PELI3: variants seen among roughly 807,000 people sequenced by gnomAD.
PELI3 encodes the protein pellino E3 ubiquitin protein ligase family member 3.
In PELI3, 19 loss-of-function variants were observed where a neutral mutation model predicts 35.5. The ratio of observed to expected loss-of-function variants is 0.54; its 90% CI spans 0.37 to 0.79. The LOEUF is 0.79. Ranked by LOEUF, PELI3 falls within the 30% of genes least tolerant of loss-of-function variation. The pLI is 0.00. For missense variants in PELI3, 490 were observed against 661.2 expected, an observed-to-expected ratio of 0.74 and a Z score of 2.84; for synonymous variants, 262 against 279.2, an observed-to-expected ratio of 0.94 and a Z score of 0.62.
rs747716182 is a variant in PELI3, at chr11:66,467,949, G to C, written c.-1-179G>C. Among the ~76,000 whole-genome samples the C allele has an allele frequency of 2.6e-5, 4 of 152,214 alleles. No individual in the cohort carries two copies. Among genetic ancestry groups the C allele is most frequent in the Admixed American group, 2.6e-4 (4 of 15,284 alleles). ...CTCTTCACTGTGCCACCCCTCCCTG[G>C]TATCCCAGCAACCTCGGGCAGTTTA... On this transcript the variant is annotated intron_variant, in intron 1 of 7. Coordinates refer to ENST00000320740, the MANE Select transcript of PELI3 (RefSeq NM_145065.3). The surrounding 1 kb of genome is among the most constrained non-coding windows in gnomAD (Gnocchi z 4.2).
intron 7 of PELI3, 61 bp from the exon 8 acceptor site, chr11:66,475,537 A>G: frequency 6.4e-7 from 1 of 1,567,188 alleles, no homozygotes; most frequent in South Asian, 1.1e-5. Flanking sequence ...GCTCTGTGGG[A>G]TGGACCCGCG....
At chr11:66,468,414 C>A in intron 2 of PELI3, 134 bp downstream of exon 2, 2 of 840,540 alleles carry the variant, frequency 2.4e-6, no homozygotes, top group Non-Finnish European at 3.3e-6. Flanking sequence ...AGCTGAAAGA[C>A]AAAATTGACC....
intron 2 of PELI3, among the ~76,000 whole-genome samples, 155 bp from the exon 3 acceptor site, chr11:66,468,678 A>G (rs1461566796): frequency 1.3e-5 from 2 of 152,232 alleles, no homozygotes; most frequent in African/African-American, 4.8e-5. Context: ...AATGGGGATG[A>G]TAATAATCCC....
At position 66,473,602 on chromosome 11, in the gene PELI3, C is replaced by T; in HGVS notation, c.652-135C>T. On this transcript the variant is annotated intron_variant, in intron 6 of 7. Transcript: ENST00000320740. The surrounding 1 kb of genome is among the most constrained non-coding windows in gnomAD (Gnocchi z 5.8). ...GAGCAAAGTGAGGCCCAGAGAGACG[C>T]TCAAGTCATGCAGCTTCAATGCCAG... The T allele has an allele frequency of 1.5e-6, 2 of 1,350,128 alleles. No homozygotes were observed. The highest frequency in any genetic ancestry group is 2.6e-5 in the Admixed American group (1 of 39,154). The allele number at this position is 1,350,128 out of a possible 1,614,324, so 83.6% of individuals were successfully genotyped here.
chr11:66,473,393 C>T lies in PELI3; in HGVS notation c.609C>T (p.Ile203=), dbSNP rs780244173. The change falls in exon 6 of 8, where the codon ATC becomes ATT. Residue 203 remains isoleucine (I), a synonymous_variant. Transcript: ENST00000320740. This position sits in a 1 kb window ranked among gnomAD's most constrained non-coding sequence, Gnocchi z 5.8. ...CDRRPPYTAR[I]YAAGFDASSN... is the part of the protein sequence containing the mutation. Reference sequence around the variant, plus strand: ...GCCGGCCACCCTATACTGCCCGCATCTATGCCGCTGGCTTCGATGCCTCTA... The same window carrying T: ...GCCGGCCACCCTATACTGCCCGCATTTATGCCGCTGGCTTCGATGCCTCTA... 1 of 1,613,592 alleles carries T rather than the reference C, an allele frequency of 6.2e-7. No homozygotes were observed. Among genetic ancestry groups the T allele is most frequent in the South Asian group, 1.1e-5 (1 of 91,078 alleles).
At chr11:66,471,192 TTC>T in intron 3 of PELI3, 48 bp from the exon 4 acceptor site, 2 of 1,555,920 alleles carry the variant, frequency 1.3e-6, no homozygotes, top group Non-Finnish European at 1.8e-6. Flanking sequence ...CTTTCTCTCT[TTC>T]TCTCTCTCCT....
chr11:66,472,596 G>A (rs1854762770), intron 5 of PELI3, 126 bp downstream of exon 5: 2 of 727,872 alleles, frequency 2.7e-6, no homozygotes, highest in South Asian at 1.7e-5. Context: ...GAAGCAGGAT[G>A]TCCCGGTGTG....
At chr11:66,469,514 CA>C (rs1483006941) in intron 3 of PELI3, among the ~76,000 whole-genome samples, 10 of 152,228 alleles carry the variant, frequency 6.6e-5, no homozygotes, top group Non-Finnish European at 1.3e-4. Context: ...GAGAAGAGCT[CA>C]CAAGGGCAAA....
Position 66,475,883 on chromosome 11 carries a change from G to T in PELI3, c.1126G>T (p.Glu376Ter). Residue 376 changes from glutamate (E) to a stop codon, truncating the protein, a stop_gained, in exon 8 of 8, where the codon GAG becomes TAG. Coordinates refer to ENST00000320740, the MANE Select transcript of PELI3 (RefSeq NM_145065.3). LOFTEE classifies it high-confidence loss of function. The part of the protein sequence containing the change: ...HGYHGWGCRR[E>*]RGPQERECPL... The stretch of plus-strand genomic sequence containing the variant: ...CTACCACGGCTGGGGCTGCCGGCGG[G>T]AGCGGGGCCCCCAGGAGCGCGAATG... The T allele has an allele frequency of 6.2e-7, 1 of 1,607,048 alleles. No individual in the cohort carries two copies. Among genetic ancestry groups the T allele is most frequent in the East Asian group, 2.2e-5 (1 of 44,712 alleles).
At chr11:66,469,117 G>T (rs1006359316) in intron 3 of PELI3, among the ~76,000 whole-genome samples, 2 of 152,024 alleles carry the variant, frequency 1.3e-5, no homozygotes, top group South Asian at 4.2e-4. Flanking sequence ...TTTCCCCAGG[G>T]ACAGACCCTC....
chr11:66,474,011 T>C (rs1439134848), intron 7 of PELI3, 86 bp downstream of exon 7: 4 of 1,529,786 alleles, frequency 2.6e-6, no homozygotes, highest in Non-Finnish European at 3.6e-6. Context: ...GGAGATGATC[T>C]CCAGTCCTTC....
At chr11:66,474,731 A>ATTT (rs1358823380) in intron 7 of PELI3, 3 of 151,148 alleles carry the variant, frequency 2.0e-5, no homozygotes. Flanking sequence ...TTATTTATTT[A>ATTT]TTTATTTATT....
At chr11:66,468,614 C>A (rs1282709889) in intron 2 of PELI3, among the ~76,000 whole-genome samples, 1 of 152,230 alleles carries the variant, frequency 6.6e-6, no homozygotes, top group African/African-American at 2.4e-5. Flanking sequence ...TGGTTCAAAT[C>A]CTGCCTCTGC....
At chr11:66,468,743 G>T in intron 2 of PELI3, 90 bp from the exon 3 acceptor site, 1 of 701,276 alleles carries the variant, frequency 1.4e-6, no homozygotes. Context: ...AAAGTACATA[G>T]AACAGCGCCT....
chr11:66,474,840 C>T (rs1480414758), intron 7 of PELI3: 2 of 152,134 alleles, frequency 1.3e-5, no homozygotes, highest in Non-Finnish European at 2.9e-5. Context: ...AGTGATTCGC[C>T]TGCCTCAGCC....
At chr11:66,472,295 C>G in intron 4 of PELI3, 74 bp from the exon 5 acceptor site, 4 of 1,164,422 alleles carry the variant, frequency 3.4e-6, no homozygotes, top group Non-Finnish European at 5.2e-6. Flanking sequence ...GGGCCTTGAG[C>G]TCCAGGTGCT....
In PELI3 at chr11:66,475,840, C is replaced by T; in HGVS notation, c.1083C>T (p.Arg361=). 6.2e-7 allele frequency: 1 copy of T among 1,607,132 alleles called. No homozygotes were observed. Among genetic ancestry groups the T allele is most frequent in the Non-Finnish European group, 8.5e-7 (1 of 1,177,728 alleles). The change falls in exon 8 of 8, where the codon CGC becomes CGT. Residue 361 remains arginine, a synonymous_variant. Coordinates refer to ENST00000320740, the MANE Select transcript of PELI3 (RefSeq NM_145065.3). ...PDKQQPWVYV[R]CGHVHGYHGW... is the part of the protein sequence containing the mutation. Reference sequence around the variant, plus strand: ...AACAGCAGCCCTGGGTCTACGTCCGCTGCGGGCACGTCCATGGCTACCACG... The same window carrying T: ...AACAGCAGCCCTGGGTCTACGTCCGTTGCGGGCACGTCCATGGCTACCACG...
At position 66,467,030 on chromosome 11, in the gene PELI3, G is replaced by C. The variant is rs1009668097; in HGVS notation, c.-2+3G>C. 1.3e-5 allele frequency: 2 copies of C among 148,680 alleles called. No individual in the cohort carries two copies. The highest frequency in any genetic ancestry group is 6.7e-5 in the Admixed American group (1 of 14,976). The allele number at this position is 148,680 out of a possible 1,614,324, so 9.2% of individuals were successfully genotyped here. A position where few individuals can be genotyped will look rare whatever the true frequency, so the allele number is the denominator to read the frequency against. On this transcript the variant is annotated splice_donor_region_variant and intron_variant, in intron 1 of 7. Transcript: ENST00000320740. This position sits in a 1 kb window ranked among gnomAD's most constrained non-coding sequence, Gnocchi z 4.2. ...AGCGGGGCCCGGAGCGTGGCCAGGTGAGGCCGCCGGGGCGGAGGGGGCGGG... is the reference window on the plus strand; with the variant it reads ...AGCGGGGCCCGGAGCGTGGCCAGGTCAGGCCGCCGGGGCGGAGGGGGCGGG...
intron 3 of PELI3, among the ~76,000 whole-genome samples, chr11:66,469,804 G>GTTT (rs1330000663): frequency 1.5e-5 from 2 of 129,956 alleles, no homozygotes; most frequent in African/African-American, 2.9e-5. Flanking sequence ...TTTTTTTTTT[G>GTTT]TTTTTTTTTT....
Sources: allele counts gnomAD v4.1 joint callset (sites outside exome capture counted in the v4.1 genomes callset), GRCh38; gene constraint gnomAD v4.1.1; non-coding constraint Gnocchi (gnomAD v3.1); transcripts MANE v1.5; gene names NCBI Gene and HGNC (gene_info 2026-07-23, HGNC 2026-07-21).